Variants in ATG7 observed in about 807,000 individuals in gnomAD.
ATG7 encodes ubiquitin-like modifier-activating enzyme ATG7.
In ATG7, 70 loss-of-function variants were observed where a neutral mutation model predicts 82.4. That is an observed-to-expected ratio of 0.85 (90% CI 0.70 to 1.04). ATG7 has a LOEUF of 1.04. Among genes scored for constraint, ATG7 ranks in the 50% least tolerant of loss-of-function variants. The probability of loss-of-function intolerance (pLI) is 0.00; values close to 1 mark genes in which losing one functional copy is unlikely to be tolerated. For synonymous variants in ATG7, 287 were observed against 313.0 expected (o/e 0.92, Z 0.88); for missense variants, 792 against 864.3 (o/e 0.92, Z 1.05).
intron 19 of ATG7, among the ~76,000 whole-genome samples, chr3:11,420,591 G>A (rs990966442): frequency 1.3e-5 from 2 of 151,972 alleles, no homozygotes; most frequent in Non-Finnish European, 2.9e-5. Flanking sequence ...AGATTATGGG[G>A]CAGACCACCA....
chr3:11,425,966 T>G (rs769153048), intron 19 of ATG7, among the ~76,000 whole-genome samples: 1 of 152,242 alleles, frequency 6.6e-6, no homozygotes, highest in African/African-American at 2.4e-5. Flanking sequence ...CTCACTGATA[T>G]ATAGTATTCC....
At chr3:11,363,536 G>A (rs2076408235) in intron 17 of ATG7, among the ~76,000 whole-genome samples, 1 of 152,210 alleles carries the variant, frequency 6.6e-6, no homozygotes, top group South Asian at 2.1e-4. Flanking sequence ...ACAGGCGTGA[G>A]CCATTGCACC....
chr3:11,573,320 AAAG>A, the ATG7 span, among the ~76,000 whole-genome samples: 1 of 27,386 alleles, frequency 3.7e-5, no homozygotes, highest in Non-Finnish European at 7.7e-5. Context: ...AGGAAGGAAG[AAAG>A]AAAGAAAGAA....
intron 20 of ATG7, among the ~76,000 whole-genome samples, chr3:11,525,448 A>ATTTTTTTTTTTTTTTTTTTTTT (rs11310291): frequency 8.3e-6 from 1 of 121,126 alleles, no homozygotes; most frequent in Non-Finnish European, 1.7e-5. Context: ...AAGACATGTG[A>ATTTTTTTTTTTTTTTTTTTTTT]TTTTTTTTTT....
At chr3:11,298,890 C>G (rs1946361731) in intron 4 of ATG7, 35 bp downstream of exon 4, 3 of 1,610,170 alleles carry the variant, frequency 1.9e-6, no homozygotes, top group East Asian at 2.2e-5. Context: ...CCATCATCTT[C>G]TGTTATCCTC....
At chr3:11,326,297 G>T (rs202092188) in intron 9 of ATG7, among the ~76,000 whole-genome samples, 84 of 106,296 alleles carry the variant, frequency 7.9e-4, no homozygotes, top group Non-Finnish European at 1.1e-3. Flanking sequence ...TTTTTTTTTT[G>T]TTGTTGTTGT....
chr3:11,545,171 G>A (rs1197828562), intron 20 of ATG7, among the ~76,000 whole-genome samples: 1 of 152,164 alleles, frequency 6.6e-6, no homozygotes, highest in Non-Finnish European at 1.5e-5. Flanking sequence ...GGAGCTTGGA[G>A]GGGTGTGCAG....
chr3:11,336,828 A>G (rs981389105), intron 11 of ATG7, among the ~76,000 whole-genome samples: 2 of 152,040 alleles, frequency 1.3e-5, no homozygotes, highest in Admixed American at 1.3e-4. Context: ...ATGTGCCACC[A>G]CACCCAACTA....
the ATG7 span, among the ~76,000 whole-genome samples, chr3:11,569,076 A>G: frequency 3.3e-5 from 5 of 152,248 alleles, no homozygotes; most frequent in Non-Finnish European, 5.9e-5. Context: ...ACATCTGGGG[A>G]AAAGTAAACC....
intron 1 of ATG7, among the ~76,000 whole-genome samples, chr3:11,277,895 C>CCCG (rs1559310091): frequency 7.9e-6 from 1 of 126,550 alleles, no homozygotes; most frequent in East Asian, 2.8e-4. Context: ...TTATAGACCC[C>CCCG]CCCCCCCCCA....
At chr3:11,420,041 G>T (rs916840762) in intron 19 of ATG7, among the ~76,000 whole-genome samples, 5 of 152,172 alleles carry the variant, frequency 3.3e-5, no homozygotes, top group Admixed American at 2.0e-4. Flanking sequence ...GTTTTACATA[G>T]ACTGACAGGT....
At chr3:11,374,827 C>G (rs2077274127) in intron 18 of ATG7, among the ~76,000 whole-genome samples, 1 of 140,594 alleles carries the variant, frequency 7.1e-6, no homozygotes, top group South Asian at 2.3e-4. Context: ...GGGTGTGAAC[C>G]CAGGAGGCGG....
intron 20 of ATG7, among the ~76,000 whole-genome samples, chr3:11,436,876 A>C (rs1277959507): frequency 6.6e-6 from 1 of 152,226 alleles, no homozygotes; most frequent in Non-Finnish European, 1.5e-5. Flanking sequence ...TATAGTCAAG[A>C]AAGTAGATTA....
At chr3:11,378,368 G>A (rs1002389667) in intron 18 of ATG7, among the ~76,000 whole-genome samples, 7 of 151,088 alleles carry the variant, frequency 4.6e-5, no homozygotes, top group Admixed American at 1.3e-4. Flanking sequence ...AATGCAATCC[G>A]AGATCAAGTG....
At chr3:11,474,442 A>G (rs879452718) in intron 20 of ATG7, among the ~76,000 whole-genome samples, 3 of 152,158 alleles carry the variant, frequency 2.0e-5, no homozygotes, top group Non-Finnish European at 4.4e-5. Context: ...TCTACAAAAA[A>G]TACAAAAATT....
At chr3:11,325,006 G>A (rs1402881391) in intron 9 of ATG7, among the ~76,000 whole-genome samples, 1 of 152,138 alleles carries the variant, frequency 6.6e-6, no homozygotes, top group African/African-American at 2.4e-5. Context: ...CCTTCTATGT[G>A]TTTAGATTTG....
At chr3:11,303,917 C>CAAAAAAAAAA (rs55893689) in intron 5 of ATG7, among the ~76,000 whole-genome samples, 1 of 75,896 alleles carries the variant, frequency 1.3e-5, no homozygotes, top group Non-Finnish European at 2.6e-5. Flanking sequence ...ACTAAAAATG[C>CAAAAAAAAAA]AAAAAAAAAA....
intron 20 of ATG7, among the ~76,000 whole-genome samples, chr3:11,467,465 C>T (rs966300164): frequency 1.3e-5 from 2 of 152,178 alleles, no homozygotes; most frequent in Non-Finnish European, 2.9e-5. Flanking sequence ...CAACCTCCGC[C>T]CCCCAGCTTC....
intron 20 of ATG7, among the ~76,000 whole-genome samples, chr3:11,519,553 T>G (rs1473814351): frequency 9.5e-5 from 9 of 94,280 alleles, no homozygotes; most frequent in Admixed American, 4.1e-4. Flanking sequence ...TTTTTTTTTT[T>G]TTTTTTTTTT....
Sources: gnomAD v4.1 joint callset for allele counts (sites outside exome capture counted in the v4.1 genomes callset) on GRCh38, gnomAD v4.1.1 for gene constraint, MANE v1.5 for transcripts, NCBI Gene and HGNC (gene_info 2026-07-23, HGNC 2026-07-21) for gene names.